CAMK2B: variants seen among roughly 807,000 people sequenced by gnomAD.
CAMK2B encodes the protein calcium/calmodulin-dependent protein kinase type II subunit beta.
A neutral mutation model predicts 93.7 loss-of-function variants in CAMK2B; 27 were observed. The ratio of observed to expected loss-of-function variants is 0.29; its 90% CI spans 0.21 to 0.40. The LOEUF is 0.40. Among genes scored for constraint, CAMK2B ranks in the 10% least tolerant of loss-of-function variants. The pLI is 1.00. For synonymous variants in CAMK2B, 374 were observed against 358.8 expected, an observed-to-expected ratio of 1.04 and a Z score of -0.48; for missense variants, 568 against 895.8, an observed-to-expected ratio of 0.63 and a Z score of 4.67.
intron 1 of CAMK2B, among the ~76,000 whole-genome samples, chr7:44,320,248 C>T (rs1795764219): frequency 6.6e-6 from 1 of 152,148 alleles, no homozygotes; most frequent in African/African-American, 2.4e-5. Context: ...GTAGGGGGCC[C>T]TTGGTTTGGA....
At position 44,258,883 on chromosome 7, in the gene CAMK2B, C is replaced by G; in HGVS notation, c.264G>C (p.Leu88=). 2 of 1,613,972 alleles carry G rather than the reference C, an allele frequency of 1.2e-6. No homozygotes were observed. Among genetic ancestry groups the G allele is most frequent in the South Asian group, 2.2e-5 (2 of 91,062 alleles). The part of the protein sequence containing the change: ...DSISEEGFHY[L]VFDLVTGGEL... ...GCTCTGGAACTTACAGATCGAAGAC[C>G]AGGTAGTGGAAGCCCTCCTCGGAGA... The change falls in exon 4 of 24, where the codon CTG becomes CTC. Residue 88 remains leucine, a synonymous_variant. Transcript: ENST00000395749.
chr7:44,253,153 A>T (rs80003265), intron 5 of CAMK2B, among the ~76,000 whole-genome samples: 1 of 152,124 alleles, frequency 6.6e-6, no homozygotes, highest in African/African-American at 2.4e-5. Flanking sequence ...TTAAAAAAAA[A>T]TTCATTTTTC....
intron 1 of CAMK2B, among the ~76,000 whole-genome samples, chr7:44,297,619 C>G (rs148619049): frequency 3.3e-5 from 5 of 151,828 alleles, no homozygotes; most frequent in African/African-American, 1.2e-4. Flanking sequence ...AACATGAAGA[C>G]ACAAATAAGT....
chr7:44,230,977 T>TG (rs540063043), intron 17 of CAMK2B, 29 bp downstream of exon 17: 249 of 1,548,834 alleles, frequency 1.6e-4, no homozygotes, highest in South Asian at 9.1e-4. Context: ...CCAAGGCCGC[T>TG]GGGGGGGCAA....
In CAMK2B at chr7:44,225,729, G is replaced by A. The variant is rs1417547711; in HGVS notation, c.1597+787C>T. The A allele has an allele frequency of 2.3e-6, 3 of 1,289,096 alleles. No individual in the cohort carries two copies. The highest frequency in any genetic ancestry group is 3.0e-6 in the Non-Finnish European group (3 of 988,612). 79.9% of individuals were successfully genotyped at this position (1,289,096 alleles called of 1,614,324 possible). A position where few individuals can be genotyped will look rare whatever the true frequency, so the allele number is the denominator to read the frequency against. Reference sequence around the variant, plus strand: ...GGCCCAGCCTGCAGAGGGGACGGTGGCAAGCAGACCCCACCTGTCCCTCAA... The same window carrying A: ...GGCCCAGCCTGCAGAGGGGACGGTGACAAGCAGACCCCACCTGTCCCTCAA... On this transcript the variant is annotated intron_variant, in intron 20 of 23. Transcript: ENST00000395749. This position sits in a 1 kb window ranked among gnomAD's most constrained non-coding sequence, Gnocchi z 5.0.
At chr7:44,219,940 G>A in intron 23 of CAMK2B, 120 bp downstream of exon 23, 1 of 775,524 alleles carries the variant, frequency 1.3e-6, no homozygotes, top group Non-Finnish European at 1.9e-6. Flanking sequence ...GGAAAGCTCA[G>A]GGACTTCCCA....
intron 1 of CAMK2B, among the ~76,000 whole-genome samples, chr7:44,318,720 A>G (rs778667972): frequency 6.6e-6 from 1 of 152,276 alleles, no homozygotes; most frequent in Non-Finnish European, 1.5e-5. Flanking sequence ...TCCACCCTGT[A>G]CAAGTGTGCC....
chr7:44,243,578 G>A (rs1315427964), intron 6 of CAMK2B, 51 bp from the exon 7 acceptor site: 3 of 1,447,512 alleles, frequency 2.1e-6, no homozygotes, highest in East Asian at 2.3e-5. Context: ...ACCCAGAGGT[G>A]TTATGTGGGG....
intron 12 of CAMK2B, among the ~76,000 whole-genome samples, chr7:44,240,408 G>C (rs978703247): frequency 1.1e-4 from 16 of 152,210 alleles, no homozygotes; most frequent in African/African-American, 3.9e-4. Flanking sequence ...CAAACGCCTG[G>C]ACAGACACAC....
intron 6 of CAMK2B, among the ~76,000 whole-genome samples, chr7:44,245,697 CA>C (rs999884931): frequency 1.3e-3 from 199 of 152,236 alleles, no homozygotes; most frequent in Middle Eastern, 6.8e-3. Context: ...TGAGAGGGAA[CA>C]GGGGGTACGG....
chr7:44,263,181 T>C, intron 2 of CAMK2B, 117 bp from the exon 3 acceptor site: 1 of 904,338 alleles, frequency 1.1e-6, no homozygotes, highest in Non-Finnish European at 1.7e-6. Context: ...AGAGGAGTGG[T>C]TGTGCCCCCA....
chr7:44,244,636 C>G (rs1028338963), intron 6 of CAMK2B, among the ~76,000 whole-genome samples: 2 of 151,990 alleles, frequency 1.3e-5, no homozygotes, highest in Non-Finnish European at 2.9e-5. Context: ...CAAAACAGAC[C>G]ACTCCACCCA....
At chr7:44,289,782 A>G (rs1250422567) in intron 1 of CAMK2B, among the ~76,000 whole-genome samples, 1 of 152,212 alleles carries the variant, frequency 6.6e-6, no homozygotes, top group Non-Finnish European at 1.5e-5. Context: ...GATCCCCATG[A>G]CAGGCTGCTG....
intron 5 of CAMK2B, 32 bp from the exon 6 acceptor site, chr7:44,247,224 T>TGGCCCTGGGGAGCAGCAAGAGGA: frequency 6.2e-7 from 1 of 1,600,458 alleles, no homozygotes; most frequent in Non-Finnish European, 8.6e-7. Flanking sequence ...TTAGTGCGAG[T>TGGCCCTGGGGAGCAGCAAGAGGA]GGCCCTGGGG....
At position 44,231,013 on chromosome 7, in the gene CAMK2B, G is replaced by A. The variant is rs756933665; in HGVS notation, c.1218C>T (p.Asp406=). ...GGACTCAAGTGCAGGTACCTTTAGC[G>A]TCTTCATCCTCTATGGTGGTATTGG... The part of the protein sequence containing the change: ...DSANTTIEDE[D]AKAPRVPDIL... The change falls in exon 17 of 24, where the codon GAC becomes GAT. Residue 406 remains aspartate (D), a synonymous_variant. Coordinates refer to ENST00000395749, the MANE Select transcript of CAMK2B (RefSeq NM_001220.5). 4.6e-5 allele frequency: 71 copies of A among 1,554,348 alleles called. No individual in the cohort carries two copies. The highest frequency in any genetic ancestry group is 5.7e-5 in the Non-Finnish European group (65 of 1,148,756).
intron 1 of CAMK2B, among the ~76,000 whole-genome samples, chr7:44,285,448 C>T (rs374028631): frequency 3.9e-5 from 6 of 152,178 alleles, no homozygotes; most frequent in Non-Finnish European, 5.9e-5. Flanking sequence ...CAGCCTCCCC[C>T]CTACAGGAAC....
In CAMK2B at chr7:44,240,158, G is replaced by A. The variant is rs577964039; in HGVS notation, c.947-495C>T. On this transcript the variant is annotated intron_variant, in intron 12 of 23. Coordinates refer to ENST00000395749, the MANE Select transcript of CAMK2B (RefSeq NM_001220.5). ...CCACTCCGGGGCTAACATCATGCCCGATGGGTCTGCCAGCGCCCTGGGCCT... is the reference window on the plus strand; with the variant it reads ...CCACTCCGGGGCTAACATCATGCCCAATGGGTCTGCCAGCGCCCTGGGCCT... 4.3e-5 allele frequency among the ~76,000 whole-genome samples: 6 copies of A among 138,918 alleles called. No individual in the cohort carries two copies. The East Asian group carries it at 1.1e-3, about 24-fold the overall frequency. 91.1% of individuals were successfully genotyped at this position (138,918 alleles called of 152,430 possible).
chr7:44,231,714 G>A (rs2128923854), intron 16 of CAMK2B, among the ~76,000 whole-genome samples: 1 of 152,320 alleles, frequency 6.6e-6, no homozygotes, highest in South Asian at 2.1e-4. Flanking sequence ...TGGACGTCCA[G>A]TCAGGCCCCG....
chr7:44,281,544 G>T (rs934065452), intron 2 of CAMK2B, among the ~76,000 whole-genome samples: 36 of 152,134 alleles, frequency 2.4e-4, no homozygotes, highest in African/African-American at 8.7e-4. Flanking sequence ...CCCACTCAGG[G>T]TCTGTGCACT....
Sources: gnomAD v4.1 joint callset for allele counts (sites outside exome capture counted in the v4.1 genomes callset) on GRCh38, gnomAD v4.1.1 for gene constraint, Gnocchi (gnomAD v3.1) non-coding constraint, MANE v1.5 for transcripts, NCBI Gene and HGNC (gene_info 2026-07-23, HGNC 2026-07-21) for gene names.